The following TENM2 variants were observed in gnomAD, a reference collection of about 807,000 sequenced individuals.
The protein encoded by TENM2 is teneurin-2.
Under a neutral mutation model 245.2 loss-of-function variants are expected in TENM2, and 52 were observed. The observed-to-expected ratio is 0.21, with a 90% CI of 0.17 to 0.27. The LOEUF (loss-of-function observed/expected upper bound fraction) is 0.27. Ranked by LOEUF, TENM2 falls within the 10% of genes least tolerant of loss-of-function variation. The probability of loss-of-function intolerance (pLI) is 1.00; values close to 1 mark genes in which losing one functional copy is unlikely to be tolerated. For missense variants in TENM2, 3,046 were observed against 3,666.8 expected, an observed-to-expected ratio of 0.83 and a Z score of 4.37; for synonymous variants, 1,363 against 1,438.9, an observed-to-expected ratio of 0.95 and a Z score of 1.19.
intron 7 of TENM2, among the ~76,000 whole-genome samples, chr5:168,085,115 G>A (rs1205006640): frequency 6.6e-6 from 1 of 152,212 alleles, no homozygotes; most frequent in East Asian, 1.9e-4. Flanking sequence ...AGAAACCACT[G>A]TTCTCTTCTG....
exon 1 of TENM2, chr5:167,284,898 C>A: frequency 6.4e-7 from 1 of 1,551,720 alleles, no homozygotes; most frequent in South Asian, 1.2e-5. Flanking sequence ...CAAAGAGTGT[C>A]GCTACACAAG....
At chr5:167,034,781 G>A in the TENM2 span, among the ~76,000 whole-genome samples, 55,593 of 151,898 alleles carry the variant, frequency 0.37, 12,233 homozygotes, top group Admixed American at 0.54. Flanking sequence ...CAAAGTCATG[G>A]GTGGGTTACC....
chr5:167,664,541 C>T (rs1755448062), intron 2 of TENM2, among the ~76,000 whole-genome samples: 1 of 152,134 alleles, frequency 6.6e-6, no homozygotes, highest in African/African-American at 2.4e-5. Flanking sequence ...TCTCCTCCGA[C>T]AAAACAAGCT....
In TENM2 at chr5:167,547,591, T is replaced by A. The variant is rs1376165389; in HGVS notation, c.502+172118T>A. ...TATTTTGTCTATAAATGTGGAATCC[T>A]ATAATAGACAGTGGAGCTACCCGGG... On this transcript the variant is annotated intron_variant, in intron 2 of 28. Coordinates refer to ENST00000518659, the Ensembl canonical transcript of TENM2. Among the ~76,000 whole-genome samples, 3 of 152,346 alleles carry A rather than the reference T, an allele frequency of 2.0e-5. No individual in the cohort carries two copies. The East Asian group carries it at 5.8e-4, about 29-fold the overall frequency.
chr5:167,838,018 G>A (rs1367278809), intron 2 of TENM2, among the ~76,000 whole-genome samples: 1 of 152,238 alleles, frequency 6.6e-6, no homozygotes, highest in East Asian at 1.9e-4. Flanking sequence ...GTTTAGTATT[G>A]AGGCAAATGG....
chr5:167,640,885 A>C (rs200817527), intron 2 of TENM2, among the ~76,000 whole-genome samples: 20 of 69,874 alleles, frequency 2.9e-4, no homozygotes, highest in Admixed American at 9.2e-4. Context: ...ATATATATAT[A>C]TATATATATA....
At chr5:167,876,137 C>T in exon 3 of TENM2, 1 of 1,551,602 alleles carries the variant, frequency 6.4e-7, no homozygotes, top group Non-Finnish European at 8.7e-7. Flanking sequence ...ATGAGGAATT[C>T]TCCCCCAATT....
the TENM2 span, among the ~76,000 whole-genome samples, chr5:167,097,508 C>G: frequency 6.6e-6 from 1 of 152,046 alleles, no homozygotes; most frequent in Non-Finnish European, 1.5e-5. Flanking sequence ...TCTCCGGGCA[C>G]TCGCCTGCAG....
intron 19 of TENM2, among the ~76,000 whole-genome samples, chr5:168,208,985 A>AT (rs61358735): frequency 0.026 from 3,917 of 152,254 alleles, 201 homozygotes; most frequent in East Asian, 0.25. Context: ...CTCCTGTAAC[A>AT]CTTCCATGAT....
chr5:167,424,374 G>C (rs1347468062), intron 2 of TENM2, among the ~76,000 whole-genome samples: 1 of 152,004 alleles, frequency 6.6e-6, no homozygotes, highest in Non-Finnish European at 1.5e-5. Flanking sequence ...GGCTTGGCCT[G>C]CTATTTATTC....
chr5:167,853,562 C>G (rs1393261407), intron 2 of TENM2, among the ~76,000 whole-genome samples: 1 of 151,980 alleles, frequency 6.6e-6, no homozygotes, highest in Non-Finnish European at 1.5e-5. Flanking sequence ...GATTTTCTGG[C>G]GATGTTTCCT....
intron 2 of TENM2, among the ~76,000 whole-genome samples, chr5:167,722,642 T>C (rs1759709817): frequency 6.6e-6 from 1 of 151,846 alleles, no homozygotes; most frequent in Admixed American, 6.6e-5. Context: ...GGCGTGGAGG[T>C]GCACGCCTGT....
At chr5:167,687,683 T>C (rs10074209) in intron 2 of TENM2, among the ~76,000 whole-genome samples, 1,746 of 152,312 alleles carry the variant, frequency 0.011, 39 homozygotes, top group African/African-American at 0.04. Context: ...AAATCTACTT[T>C]ATCCAGCCAA....
At chr5:167,908,328 C>G (rs6870857) in intron 3 of TENM2, among the ~76,000 whole-genome samples, 1 of 122,384 alleles carries the variant, frequency 8.2e-6, no homozygotes, top group Admixed American at 7.9e-5. Context: ...CTCTCCCCTC[C>G]TCTCCTCTCC....
chr5:167,929,773 G>A (rs1416607519), intron 3 of TENM2, among the ~76,000 whole-genome samples: 2 of 152,216 alleles, frequency 1.3e-5, no homozygotes, highest in African/African-American at 4.8e-5. Flanking sequence ...ACATGGGAGA[G>A]TGGATTCTAA....
chr5:167,259,244 A>C, the TENM2 span, among the ~76,000 whole-genome samples: 1 of 152,174 alleles, frequency 6.6e-6, no homozygotes, highest in African/African-American at 2.4e-5. Flanking sequence ...AATGTCAGGC[A>C]ACAAGAGACA....
At chr5:167,139,150 G>T in the TENM2 span, among the ~76,000 whole-genome samples, 1 of 152,194 alleles carries the variant, frequency 6.6e-6, no homozygotes, top group African/African-American at 2.4e-5. Flanking sequence ...CAGGTAAGTA[G>T]AAGTTAGTGC....
At chr5:168,177,298 C>T (rs187691607) in intron 13 of TENM2, among the ~76,000 whole-genome samples, 27 of 152,336 alleles carry the variant, frequency 1.8e-4, no homozygotes, top group African/African-American at 6.5e-4. Flanking sequence ...GGTTACTATA[C>T]AACAAGTCCT....
intron 2 of TENM2, 37 bp from the exon 5 acceptor site, chr5:167,875,949 C>A: frequency 6.9e-7 from 1 of 1,439,952 alleles, no homozygotes; most frequent in South Asian, 1.2e-5. Context: ...TCGTGACACT[C>A]ATTGCTGACC....
Sources: allele counts gnomAD v4.1 joint callset (sites outside exome capture counted in the v4.1 genomes callset), GRCh38; gene constraint gnomAD v4.1.1; transcripts MANE v1.5; gene names NCBI Gene and HGNC (gene_info 2026-07-23, HGNC 2026-07-21).